GTPBP4: variants seen among roughly 807,000 people sequenced by gnomAD.
GTPBP4 encodes GTP-binding protein 4.
Under a neutral mutation model 81.7 loss-of-function variants are expected in GTPBP4, and 15 were observed. That is an observed-to-expected ratio of 0.18 (90% CI 0.12 to 0.28). The LOEUF is 0.28. GTPBP4 is among the 10% of genes least tolerant of loss of function. The pLI is 1.00. For missense variants in GTPBP4, 847 were observed against 793.8 expected (o/e 1.07, Z -0.81); for synonymous variants, 272 against 274.6 (o/e 0.99, Z 0.09).
intron 14 of GTPBP4, among the ~76,000 whole-genome samples, chr10:1,013,304 T>G (rs190398828): frequency 1.6e-4 from 25 of 151,618 alleles, no homozygotes; most frequent in African/African-American, 6.0e-4. Context: ...TTCTTTAATT[T>G]CTGCATTAAA....
At position 988,495 on chromosome 10, in the gene GTPBP4, T is replaced by G; in HGVS notation, c.16T>G (p.Phe6Val). 6.2e-7 allele frequency: 1 copy of G among 1,613,296 alleles called. No homozygotes were observed. Among genetic ancestry groups the G allele is most frequent in the Non-Finnish European group, 8.5e-7 (1 of 1,179,696 alleles). Residue 6 changes from phenylalanine (F) to valine (V), a missense_variant, in exon 1 of 17, where the codon TTC becomes GTC. Around this residue, in one of 3 missense-constraint regions of GTPBP4, gnomAD observed 241 missense variants for 216.3 expected, o/e 1.11. Coordinates refer to ENST00000360803, the MANE Select transcript of GTPBP4 (RefSeq NM_012341.3). MAHYN[F>V]KKITVVPSAK... ...GGCTGCCGGCATGGCACATTACAAC[T>G]TCAAGAAAATTACGGTGGTGCCGTC...
intron 6 of GTPBP4, 85 bp from the exon 7 acceptor site, chr10:1,000,592 G>GGT: frequency 1.5e-6 from 1 of 649,434 alleles, no homozygotes; most frequent in Non-Finnish European, 2.4e-6. Context: ...GGTCTGGTTG[G>GGT]GTGTGTGTGA....
Position 1,007,554 on chromosome 10 carries a change from G to A in GTPBP4, c.1113+426G>A, listed in dbSNP as rs545556135. ...GTTCTTGACCAGCCTGGGCAACATA[G>A]TGGGACCCTGTCTCTATAAAAAATA... On this transcript the variant is annotated intron_variant, in intron 10 of 16. Coordinates refer to ENST00000360803, the MANE Select transcript of GTPBP4 (RefSeq NM_012341.3). Among the ~76,000 whole-genome samples, 153 of 152,304 alleles carry A rather than the reference G, an allele frequency of 1.0e-3. 2 individuals are homozygous for A. Among genetic ancestry groups the A allele is most frequent in the Non-Finnish European group, 1.8e-3 (124 of 68,020 alleles).
At chr10:1,009,606 T>A in intron 12 of GTPBP4, 26 bp downstream of exon 12, 2 of 1,326,330 alleles carry the variant, frequency 1.5e-6, no homozygotes, top group Non-Finnish European at 2.2e-6. Flanking sequence ...TGATCATTAT[T>A]ATAAAATGCC....
chr10:1,019,206 C>G lies in GTPBP4; in HGVS notation c.*1979C>G. On this transcript the variant is annotated 3_prime_UTR_variant, in exon 17 of 17. Coordinates refer to ENST00000360803, the MANE Select transcript of GTPBP4 (RefSeq NM_012341.3). The stretch of plus-strand genomic sequence containing the variant: ...CCAGGCTAGTCCGCCTGCTTCAGGA[C>G]TCTCAAGATCTCCCCAAGACTTTCA... The G allele has an allele frequency of 3.8e-6, 1 of 265,452 alleles. No homozygotes were observed. The highest frequency in any genetic ancestry group is 7.3e-6 in the Non-Finnish European group (1 of 137,650). The allele number at this position is 265,452 out of a possible 1,614,324, so 16.4% of individuals were successfully genotyped here.
Position 1,014,284 on chromosome 10 carries a change from TTGG to T in GTPBP4, c.1583_1585del (p.Gly528del). On this transcript the variant is annotated inframe_deletion, in exon 15 of 17. Coordinates refer to ENST00000360803, the MANE Select transcript of GTPBP4 (RefSeq NM_012341.3). Reference sequence around the variant, plus strand: ...GTTTTGGAGAAGGAGATGCGTAGTCTTGGTGTTGACATGGACGATAAAGACGAT... The same window carrying T: ...GTTTTGGAGAAGGAGATGCGTAGTCTTGTTGACATGGACGATAAAGACGAT... The T allele has an allele frequency of 6.2e-7, 1 of 1,609,868 alleles. No individual in the cohort carries two copies. Among genetic ancestry groups the T allele is most frequent in the Non-Finnish European group, 8.5e-7 (1 of 1,176,266 alleles).
chr10:1,011,298 A>G (rs572094491), intron 13 of GTPBP4, among the ~76,000 whole-genome samples: 1 of 151,930 alleles, frequency 6.6e-6, no homozygotes, highest in Non-Finnish European at 1.5e-5. Flanking sequence ...TCCCCTCCCT[A>G]CTTGCTTTTT....
chr10:1,008,276 G>A (rs756354647), intron 10 of GTPBP4: 19 of 392,718 alleles, frequency 4.8e-5, no homozygotes, highest in Admixed American at 1.0e-4. Flanking sequence ...AGTCGGGCGC[G>A]CACCTATAAT....
rs111461118 is a variant in GTPBP4, at chr10:1,007,571, T to TA, written c.1113+449dup. ...GCAACATAGTGGGACCCTGTCTCTATAAAAAATAAATAAAATAAATTTTCA... is the reference window on the plus strand; with the variant it reads ...GCAACATAGTGGGACCCTGTCTCTATAAAAAAATAAATAAAATAAATTTTCA... On this transcript the variant is annotated intron_variant, in intron 10 of 16. Transcript: ENST00000360803. 3.0e-3 allele frequency among the ~76,000 whole-genome samples: 462 copies of TA among 152,276 alleles called. 2 individuals are homozygous for TA. Among genetic ancestry groups the TA allele is most frequent in the African/African-American group, 1.0e-2 (415 of 41,540 alleles).
chr10:1,010,727 C>T (rs187823325), intron 13 of GTPBP4, among the ~76,000 whole-genome samples: 3 of 146,016 alleles, frequency 2.1e-5, no homozygotes, highest in East Asian at 2.1e-4. Flanking sequence ...CTGGCCTGCC[C>T]CCTTCCCGCC....
At chr10:1,016,957 G>T in intron 16 of GTPBP4, 118 bp from the exon 17 acceptor site, 1 of 697,276 alleles carries the variant, frequency 1.4e-6, no homozygotes. Context: ...GATGTAACAG[G>T]GTCTCTTCGC....
chr10:998,952 A>C (rs1216553188), intron 5 of GTPBP4, 51 bp from the exon 6 acceptor site: 1 of 959,002 alleles, frequency 1.0e-6, no homozygotes, highest in South Asian at 1.3e-5. Flanking sequence ...CACAGATCCC[A>C]CGTGTACACA....
At chr10:992,411 A>G in intron 1 of GTPBP4, 78 bp from the exon 2 acceptor site, 2 of 954,158 alleles carry the variant, frequency 2.1e-6, no homozygotes, top group East Asian at 2.5e-5. Flanking sequence ...AAAAAAAAAA[A>G]AAAAAGGAAG....
intron 13 of GTPBP4, among the ~76,000 whole-genome samples, chr10:1,011,670 CATAGCAGATTCTGGG>C (rs1408979169): frequency 6.6e-6 from 1 of 152,374 alleles, no homozygotes; most frequent in South Asian, 2.1e-4. Context: ...CCTGTGCCTC[CATAGCAGATTCTGGG>C]ATAGCAGATT....
chr10:1,008,800 C>T lies in GTPBP4; in HGVS notation c.1114-158C>T, dbSNP rs1026767798. 4.4e-6 allele frequency: 3 copies of T among 679,166 alleles called. No individual in the cohort carries two copies. The African/African-American group carries it at 5.3e-5, about 12-fold the overall frequency. The allele number at this position is 679,166 out of a possible 1,614,324, so 42.1% of individuals were successfully genotyped here. A position where few individuals can be genotyped will look rare whatever the true frequency, so the allele number is the denominator to read the frequency against. On this transcript the variant is annotated intron_variant, in intron 10 of 16. Transcript: ENST00000360803. The stretch of plus-strand genomic sequence containing the variant: ...TTGTTAATTGGTCTCGGTATGAACC[C>T]ACTCCTCTCCCCTAAAATAATCTGT...
intron 2 of GTPBP4, among the ~76,000 whole-genome samples, chr10:992,986 G>C (rs1277973359): frequency 1.3e-5 from 2 of 152,160 alleles, no homozygotes; most frequent in Non-Finnish European, 2.9e-5. Context: ...TATGAACACA[G>C]AAGCTAGCAG....
At chr10:1,004,341 C>A (rs1053332423) in intron 8 of GTPBP4, among the ~76,000 whole-genome samples, 7 of 152,042 alleles carry the variant, frequency 4.6e-5, no homozygotes, top group Non-Finnish European at 8.8e-5. Context: ...GGTGACTCTG[C>A]AGCTCAGAAT....
At chr10:1,011,659 C>T (rs1393922516) in intron 13 of GTPBP4, among the ~76,000 whole-genome samples, 2 of 152,260 alleles carry the variant, frequency 1.3e-5, no homozygotes, top group Admixed American at 6.5e-5. Flanking sequence ...TCTCTGTGCT[C>T]CCTGTGCCTC....
chr10:1,006,122 T>C (rs983405518), intron 9 of GTPBP4, among the ~76,000 whole-genome samples: 3 of 152,254 alleles, frequency 2.0e-5, no homozygotes, highest in African/African-American at 7.2e-5. Flanking sequence ...GGGGATGCTT[T>C]GCTCTTCTCA....
Sources: gnomAD v4.1 joint callset for allele counts (sites outside exome capture counted in the v4.1 genomes callset) on GRCh38, gnomAD v4.1.1 for gene constraint, gnomAD v4.1.1 regional missense constraint, MANE v1.5 for transcripts, NCBI Gene and HGNC (gene_info 2026-07-23, HGNC 2026-07-21) for gene names.